Variants in MTHFD2L observed in about 807,000 individuals in gnomAD.
MTHFD2L encodes the protein methylenetetrahydrofolate dehydrogenase (NADP+ dependent) 2 like.
MTHFD2L carries 29 observed loss-of-function variants against 34.9 expected under a neutral mutation model. The ratio of observed to expected loss-of-function variants is 0.83; its 90% confidence interval spans 0.62 to 1.13. The LOEUF (loss-of-function observed/expected upper bound fraction) is 1.13. Ranked by LOEUF, MTHFD2L falls within the 50% of genes most tolerant of loss-of-function variation. MTHFD2L has a pLI of 0.00. For missense variants in MTHFD2L, 481 were observed against 446.5 expected (o/e 1.08, Z -0.70); for synonymous variants, 167 against 155.7 (o/e 1.07, Z -0.54).
At chr4:74,154,974 C>T (rs1386814546), upstream of MTHFD2L, among the ~76,000 whole-genome samples, 3 of 152,118 alleles carry the variant, frequency 2.0e-5, no homozygotes, top group African/African-American at 7.2e-5. Context: ...TAGCCTCCTC[C>T]CATTGCTTAT....
At chr4:74,301,555 GTGTC>G (rs1378654273) in intron 7 of MTHFD2L, 138 bp from the exon 8 acceptor site, 2 of 530,942 alleles carry the variant, frequency 3.8e-6, no homozygotes, top group East Asian at 3.1e-5. Context: ...GTGTGTGTGT[GTGTC>G]TGTTTATTAC....
chr4:74,191,134 C>T (rs529034417), intron 3 of MTHFD2L, among the ~76,000 whole-genome samples: 33 of 152,278 alleles, frequency 2.2e-4, no homozygotes, highest in African/African-American at 7.9e-4. Context: ...CTTCTAACCC[C>T]AGGTGATCCT....
chr4:74,188,290 C>T (rs982405801), intron 3 of MTHFD2L, among the ~76,000 whole-genome samples: 3 of 152,174 alleles, frequency 2.0e-5, no homozygotes, highest in African/African-American at 4.8e-5. Context: ...TGTGCAATCA[C>T]GGTGCCAGCA....
chr4:74,224,228 A>G (rs946990831), intron 5 of MTHFD2L: 3 of 152,092 alleles, frequency 2.0e-5, no homozygotes, highest in African/African-American at 4.8e-5. Context: ...CACTGCCCCA[A>G]TTAGGAAAGC....
chr4:74,130,466 A>T (rs1286672580), intron 1 of MTHFD2L, among the ~76,000 whole-genome samples: 1 of 152,216 alleles, frequency 6.6e-6, no homozygotes, highest in Non-Finnish European at 1.5e-5. Context: ...TCATCACATA[A>T]ACAGAACCAA....
intron 6 of MTHFD2L, among the ~76,000 whole-genome samples, chr4:74,260,614 CAAT>C (rs1405086448): frequency 6.6e-6 from 1 of 151,440 alleles, no homozygotes; most frequent in African/African-American, 2.4e-5. Context: ...AGTCTTCAAA[CAAT>C]AAATCATTTG....
upstream of MTHFD2L, among the ~76,000 whole-genome samples, chr4:74,123,744 A>C (rs1040327782): frequency 6.6e-6 from 1 of 152,086 alleles, no homozygotes; most frequent in Admixed American, 6.6e-5. Context: ...TGTTGTGAGA[A>C]AAAAATAACA....
intron 3 of MTHFD2L, among the ~76,000 whole-genome samples, chr4:74,179,849 A>G (rs541587694): frequency 6.6e-6 from 1 of 152,230 alleles, no homozygotes; most frequent in South Asian, 2.1e-4. Context: ...TCTGGCATTA[A>G]TAATACTTAT....
chr4:74,295,497 T>A (rs916719489), intron 7 of MTHFD2L, among the ~76,000 whole-genome samples: 3 of 152,174 alleles, frequency 2.0e-5, no homozygotes, highest in Non-Finnish European at 4.4e-5. Context: ...CTTTGTAATT[T>A]TTGTGTTTAT....
At chr4:74,252,860 G>A (rs1021982903) in intron 6 of MTHFD2L, among the ~76,000 whole-genome samples, 2 of 152,006 alleles carry the variant, frequency 1.3e-5, no homozygotes, top group Admixed American at 6.5e-5. Context: ...GCTAAAAGAT[G>A]TGAGTCCTGA....
chr4:74,157,571 G>A (rs761157154), upstream of MTHFD2L: 12 of 425,538 alleles, frequency 2.8e-5, no homozygotes, highest in Non-Finnish European at 5.7e-5. Flanking sequence ...AGATGATAAA[G>A]TAGAAGTATA....
intron 1 of MTHFD2L, among the ~76,000 whole-genome samples, chr4:74,138,376 G>T (rs987324403): frequency 2.0e-5 from 3 of 152,044 alleles, no homozygotes; most frequent in African/African-American, 7.2e-5. Context: ...CTCCCAATAC[G>T]GCAGCAAACC....
intron 3 of MTHFD2L, chr4:74,190,575 T>C (rs1487560760): frequency 7.4e-6 from 7 of 944,198 alleles, no homozygotes; most frequent in Non-Finnish European, 8.8e-6. Context: ...GTGGAGTAGC[T>C]CAGCGAGGTT....
Position 74,282,741 on chromosome 4 carries a change from A to G in MTHFD2L, c.931+1191A>G, listed in dbSNP as rs1257200619. ...ACAGATGTACCGTACCAAAGAAAAC[A>G]CTGCTGCCCTCATTGGCTCTAATAC... is the stretch of plus-strand genomic sequence containing the variant. On this transcript the variant is annotated intron_variant, in intron 7 of 7. Transcript: ENST00000325278. 2.6e-5 allele frequency among the ~76,000 whole-genome samples: 4 copies of G among 152,248 alleles called. No homozygotes were observed. In the East Asian group the frequency reaches 7.7e-4, roughly 29 times the overall value.
At chr4:74,131,635 A>C (rs1315802442) in intron 1 of MTHFD2L, among the ~76,000 whole-genome samples, 1 of 152,228 alleles carries the variant, frequency 6.6e-6, no homozygotes, top group Admixed American at 6.5e-5. Flanking sequence ...ATGCCCAAGA[A>C]GAAAACCTAG....
chr4:74,283,552 G>A (rs932750783), intron 7 of MTHFD2L, among the ~76,000 whole-genome samples: 1 of 152,138 alleles, frequency 6.6e-6, no homozygotes, highest in African/African-American at 2.4e-5. Flanking sequence ...CTAGCTGTCA[G>A]TGATATCAGT....
chr4:74,133,207 T>C (rs1434614574), intron 1 of MTHFD2L, among the ~76,000 whole-genome samples: 3 of 152,204 alleles, frequency 2.0e-5, no homozygotes, highest in Non-Finnish European at 4.4e-5. Flanking sequence ...GGAGTTGCTT[T>C]GTTATTTTAC....
intron 6 of MTHFD2L, among the ~76,000 whole-genome samples, chr4:74,253,701 CT>C (rs912077367): frequency 6.6e-6 from 1 of 152,180 alleles, no homozygotes; most frequent in Non-Finnish European, 1.5e-5. Context: ...CCCAGGCTTG[CT>C]CATGCTGACA....
intron 5 of MTHFD2L, among the ~76,000 whole-genome samples, chr4:74,211,568 C>G (rs577313456): frequency 1.3e-5 from 2 of 152,288 alleles, no homozygotes; most frequent in South Asian, 4.1e-4. Context: ...TTTTCATGTG[C>G]TGCTGGATTT....
Sources: allele counts gnomAD v4.1 joint callset (sites outside exome capture counted in the v4.1 genomes callset), GRCh38; gene constraint gnomAD v4.1.1; transcripts MANE v1.5; gene names NCBI Gene and HGNC (gene_info 2026-07-23, HGNC 2026-07-21).